FGF12: variants seen among roughly 807,000 people sequenced by gnomAD.
FGF12 encodes the protein fibroblast growth factor 12B.
FGF12 carries 14 observed loss-of-function variants against 23.6 expected under a neutral mutation model. The ratio of observed to expected loss-of-function variants is 0.59; its 90% CI spans 0.39 to 0.93. The LOEUF is 0.93. Among genes scored for constraint, FGF12 ranks in the 40% least tolerant of loss-of-function variants. FGF12 has a pLI of 0.00. For synonymous variants in FGF12, 62 were observed against 77.3 expected, an observed-to-expected ratio of 0.80 and a Z score of 1.04; for missense variants, 175 against 217.8, an observed-to-expected ratio of 0.80 and a Z score of 1.24.
intron 4 of FGF12, among the ~76,000 whole-genome samples, chr3:192,304,708 T>G (rs1037179339): frequency 6.6e-6 from 1 of 152,196 alleles, no homozygotes; most frequent in Non-Finnish European, 1.5e-5. Context: ...AGTATTCTGC[T>G]GGACCCAAAT....
intron 2 of FGF12, among the ~76,000 whole-genome samples, chr3:192,452,212 G>A (rs974727358): frequency 2.0e-5 from 3 of 151,932 alleles, no homozygotes; most frequent in African/African-American, 7.3e-5. Flanking sequence ...TTTGTGAATG[G>A]GTGTTTAATT....
intron 4 of FGF12, among the ~76,000 whole-genome samples, chr3:192,279,658 A>T (rs1209324721): frequency 3.9e-5 from 6 of 152,158 alleles, no homozygotes; most frequent in African/African-American, 1.4e-4. Flanking sequence ...CCTGAATGAG[A>T]TTTCCCCTAG....
At chr3:192,597,784 T>A (rs1713928634) in intron 2 of FGF12, among the ~76,000 whole-genome samples, 1 of 152,188 alleles carries the variant, frequency 6.6e-6, no homozygotes, top group African/African-American at 2.4e-5. Flanking sequence ...AATGCACTGA[T>A]TAAAGTGCTG....
At chr3:192,214,769 T>G (rs958684819) in intron 4 of FGF12, among the ~76,000 whole-genome samples, 14 of 152,258 alleles carry the variant, frequency 9.2e-5, no homozygotes, top group Admixed American at 6.5e-4. Context: ...TGAAGCTAAA[T>G]AGCACACACA....
intron 2 of FGF12, among the ~76,000 whole-genome samples, chr3:192,686,058 G>A (rs1278259095): frequency 1.3e-5 from 2 of 152,188 alleles, no homozygotes; most frequent in East Asian, 1.9e-4. Flanking sequence ...GCTAGAAAGA[G>A]TTGGAAGGTG....
At chr3:192,448,994 A>G (rs546428495) in intron 2 of FGF12, among the ~76,000 whole-genome samples, 29 of 152,346 alleles carry the variant, frequency 1.9e-4, no homozygotes, top group African/African-American at 6.5e-4. Flanking sequence ...ACAGTGAATC[A>G]TAACTATAGC....
At chr3:192,518,772 T>C (rs1724742994) in intron 2 of FGF12, among the ~76,000 whole-genome samples, 1 of 152,208 alleles carries the variant, frequency 6.6e-6, no homozygotes, top group African/African-American at 2.4e-5. Flanking sequence ...AGCTCTCATC[T>C]TAGCAATACC....
intron 4 of FGF12, among the ~76,000 whole-genome samples, chr3:192,206,667 A>G (rs1717663660): frequency 6.6e-6 from 1 of 152,218 alleles, no homozygotes; most frequent in African/African-American, 2.4e-5. Context: ...GCACTTTTTC[A>G]AAAAAGAAAA....
At chr3:192,576,837 A>G (rs545610510) in intron 2 of FGF12, among the ~76,000 whole-genome samples, 1 of 152,346 alleles carries the variant, frequency 6.6e-6, no homozygotes, top group African/African-American at 2.4e-5. Context: ...CTGGACAAAG[A>G]AAATGTGACA....
chr3:192,403,495 A>G (rs1720842866), intron 2 of FGF12, among the ~76,000 whole-genome samples: 1 of 152,024 alleles, frequency 6.6e-6, no homozygotes, highest in Non-Finnish European at 1.5e-5. Context: ...AACATGTTCA[A>G]AATATCAGTT....
intron 4 of FGF12, among the ~76,000 whole-genome samples, chr3:192,245,992 A>G (rs971613979): frequency 3.3e-5 from 5 of 152,216 alleles, no homozygotes; most frequent in Non-Finnish European, 7.3e-5. Flanking sequence ...AACTTAAAAA[A>G]CATTAAAATT....
intron 4 of FGF12, among the ~76,000 whole-genome samples, chr3:192,247,261 G>A (rs1389494058): frequency 2.0e-5 from 3 of 152,182 alleles, no homozygotes; most frequent in Non-Finnish European, 4.4e-5. Flanking sequence ...TCAACAAGCA[G>A]ATGCACTCAT....
intron 5 of FGF12, among the ~76,000 whole-genome samples, chr3:192,155,434 G>T (rs1365212068): frequency 1.3e-5 from 2 of 152,192 alleles, no homozygotes; most frequent in Non-Finnish European, 2.9e-5. Flanking sequence ...AGGGCCCACT[G>T]TTTATCTAAT....
At chr3:192,641,791 TAA>T (rs1315379038) in intron 2 of FGF12, among the ~76,000 whole-genome samples, 1 of 152,184 alleles carries the variant, frequency 6.6e-6, no homozygotes, top group Non-Finnish European at 1.5e-5. Flanking sequence ...TGCTCCTAAA[TAA>T]AAAGTGTTAT....
intron 2 of FGF12, among the ~76,000 whole-genome samples, chr3:192,392,654 G>A (rs1157125406): frequency 6.7e-6 from 1 of 149,108 alleles, no homozygotes; most frequent in Non-Finnish European, 1.5e-5. Context: ...GAGGGAGGGA[G>A]GGAAGAAAGG....
chr3:192,169,143 C>T (rs532303076), intron 5 of FGF12, among the ~76,000 whole-genome samples: 179 of 152,226 alleles, frequency 1.2e-3, no homozygotes, highest in African/African-American at 4.2e-3. Context: ...GAGTTTGAGA[C>T]CAGCCTGGCC....
intron 2 of FGF12, among the ~76,000 whole-genome samples, chr3:192,372,575 G>T (rs75218911): frequency 1.3e-5 from 2 of 152,110 alleles, no homozygotes; most frequent in Non-Finnish European, 2.9e-5. Context: ...AGGGCAGTGG[G>T]ATCCGGACAT....
intron 4 of FGF12, among the ~76,000 whole-genome samples, chr3:192,255,494 G>A (rs1183759020): frequency 1.3e-5 from 2 of 151,752 alleles, no homozygotes; most frequent in Non-Finnish European, 2.9e-5. Context: ...TGCACAGTAG[G>A]GATCATGTTA....
At chr3:192,267,938 A>G (rs1024980325) in intron 4 of FGF12, among the ~76,000 whole-genome samples, 49 of 152,274 alleles carry the variant, frequency 3.2e-4, no homozygotes, top group African/African-American at 1.2e-3. Flanking sequence ...CACATCACAT[A>G]TTCTCTATTC....
Sources: allele counts gnomAD v4.1 joint callset (sites outside exome capture counted in the v4.1 genomes callset), GRCh38; gene constraint gnomAD v4.1.1; transcripts MANE v1.5; gene names NCBI Gene and HGNC (gene_info 2026-07-23, HGNC 2026-07-21).